The following SNTG1 variants were observed in gnomAD, a reference collection of about 807,000 sequenced individuals.
SNTG1 encodes the protein gamma-1-syntrophin.
SNTG1 carries 39 observed loss-of-function variants against 74.7 expected under a neutral mutation model. The ratio of observed to expected loss-of-function variants is 0.52; its 90% CI spans 0.40 to 0.68. The LOEUF (loss-of-function observed/expected upper bound fraction) is 0.68, where lower values mean the gene tolerates loss of function less well. SNTG1 is among the 30% of genes least tolerant of loss of function. The pLI, the probability that SNTG1 is intolerant of heterozygous loss-of-function variation, is 0.00. For synonymous variants in SNTG1, 254 were observed against 217.1 expected, an observed-to-expected ratio of 1.17 and a Z score of -1.49; for missense variants, 685 against 609.5, an observed-to-expected ratio of 1.12 and a Z score of -1.30.
chr8:50,510,822 CT>C (rs1462158027), intron 9 of SNTG1, among the ~76,000 whole-genome samples: 1 of 151,960 alleles, frequency 6.6e-6, no homozygotes, highest in African/African-American at 2.4e-5. Context: ...CTTTATTAGT[CT>C]TGCTAGCGGT....
At chr8:50,387,083 T>A (rs1488062195) in intron 2 of SNTG1, among the ~76,000 whole-genome samples, 8 of 152,160 alleles carry the variant, frequency 5.3e-5, no homozygotes, top group Non-Finnish European at 8.8e-5. Context: ...GGACACATGA[T>A]CAACTTGCCA....
chr8:50,576,466 G>C (rs747440096), intron 12 of SNTG1, among the ~76,000 whole-genome samples: 211 of 152,124 alleles, frequency 1.4e-3, no homozygotes, highest in Non-Finnish European at 1.9e-3. Flanking sequence ...GAGATTCCAC[G>C]CAAATTTTTG....
Position 50,587,067 on chromosome 8 carries a change from G to A in SNTG1, c.811-3812G>A, listed in dbSNP as rs147926263. Among the ~76,000 whole-genome samples, 28 of 151,764 alleles carry A rather than the reference G, an allele frequency of 1.8e-4. No individual in the cohort carries two copies. In the East Asian group the frequency reaches 3.1e-3, roughly 17 times the overall value. ...GCACATTAAACATAAAATCAATTTCGGTTCACGCTTACAGACATTAATCTA... is the reference window on the plus strand; with the variant it reads ...GCACATTAAACATAAAATCAATTTCAGTTCACGCTTACAGACATTAATCTA... On this transcript the variant is annotated intron_variant, in intron 12 of 18. Coordinates refer to ENST00000642720, the MANE Select transcript of SNTG1 (RefSeq NM_018967.5).
chr8:50,340,161 T>C (rs2091277468), intron 2 of SNTG1, among the ~76,000 whole-genome samples: 1 of 152,000 alleles, frequency 6.6e-6, no homozygotes, highest in Non-Finnish European at 1.5e-5. Flanking sequence ...TTATATATAG[T>C]TTCAACACAA....
intron 18 of SNTG1, among the ~76,000 whole-genome samples, chr8:50,779,967 G>T (rs1443355341): frequency 1.3e-5 from 2 of 151,892 alleles, no homozygotes; most frequent in East Asian, 3.9e-4. Flanking sequence ...TAATCATGTG[G>T]TTTTTGTCTT....
chr8:49,938,603 T>TTTTCTTTCTTTTCTTTCTTTC (rs1808366361), intron 1 of SNTG1, among the ~76,000 whole-genome samples: 3 of 74,766 alleles, frequency 4.0e-5, no homozygotes, highest in African/African-American at 9.0e-5. Context: ...TTTTCTTTTC[T>TTTTCTTTCTTTTCTTTCTTTC]TTTCTTTCTT....
chr8:50,563,207 C>A (rs1269828866), intron 12 of SNTG1, among the ~76,000 whole-genome samples: 1 of 152,126 alleles, frequency 6.6e-6, no homozygotes, highest in Admixed American at 6.6e-5. Flanking sequence ...GCAACTACTG[C>A]CTGTATCCTT....
intron 2 of SNTG1, among the ~76,000 whole-genome samples, chr8:50,240,042 T>C (rs1481157696): frequency 1.3e-5 from 2 of 152,210 alleles, no homozygotes; most frequent in South Asian, 2.1e-4. Flanking sequence ...TGTAGGTATA[T>C]TTGTAAAAAC....
intron 2 of SNTG1, among the ~76,000 whole-genome samples, chr8:50,194,360 CT>C (rs1190156838): frequency 6.6e-6 from 1 of 152,016 alleles, no homozygotes; most frequent in African/African-American, 2.4e-5. Context: ...TGATATTGTT[CT>C]GTTCAGGGTA....
chr8:50,545,136 A>T (rs1000663421), intron 11 of SNTG1, among the ~76,000 whole-genome samples: 17 of 151,938 alleles, frequency 1.1e-4, no homozygotes, highest in African/African-American at 4.1e-4. Context: ...TTTTTTCCAT[A>T]GCCCATAATT....
intron 18 of SNTG1, among the ~76,000 whole-genome samples, chr8:50,764,997 C>T (rs1285140521): frequency 6.6e-6 from 1 of 151,882 alleles, no homozygotes; most frequent in Non-Finnish European, 1.5e-5. Context: ...GGACATTATG[C>T]TAAGTAAAGT....
In SNTG1 at chr8:50,119,489, A is replaced by T. The variant is rs1244872518; in HGVS notation, c.-102-53072A>T. ...AAAGTTATGTTGCAATTCACCAAGA[A>T]ACAAAATGATGTGATGGCAAGGACA... On this transcript the variant is annotated intron_variant, in intron 1 of 18. Transcript: ENST00000642720. Among the ~76,000 whole-genome samples, 2 of 142,004 alleles carry T rather than the reference A, an allele frequency of 1.4e-5. 1 individual carries two copies. The highest frequency in any genetic ancestry group is 3.1e-5 in the Non-Finnish European group (2 of 63,830). 93.2% of individuals were successfully genotyped at this position (142,004 alleles called of 152,430 possible).
At chr8:49,922,915 T>C (rs1055917389) in intron 1 of SNTG1, among the ~76,000 whole-genome samples, 5 of 152,124 alleles carry the variant, frequency 3.3e-5, no homozygotes, top group African/African-American at 9.7e-5. Flanking sequence ...TTAACTCTTC[T>C]CCTGTTTTTC....
At chr8:50,597,644 A>G (rs935165704) in intron 13 of SNTG1, among the ~76,000 whole-genome samples, 2 of 151,816 alleles carry the variant, frequency 1.3e-5, no homozygotes, top group African/African-American at 4.8e-5. Context: ...GTTTTCCATA[A>G]TGGGTGTACC....
chr8:50,334,248 C>T (rs976998896), intron 2 of SNTG1, among the ~76,000 whole-genome samples: 1 of 152,098 alleles, frequency 6.6e-6, no homozygotes, highest in Non-Finnish European at 1.5e-5. Context: ...ACATGGCAGC[C>T]CCCTTGAATT....
chr8:50,214,202 G>A (rs889345919), intron 2 of SNTG1, among the ~76,000 whole-genome samples: 134 of 135,338 alleles, frequency 9.9e-4, no homozygotes, highest in African/African-American at 3.6e-3. Context: ...GGTGGGAATT[G>A]AACAATGAGA....
intron 2 of SNTG1, among the ~76,000 whole-genome samples, chr8:50,257,720 G>C (rs1339001976): frequency 6.6e-6 from 1 of 152,180 alleles, no homozygotes; most frequent in Non-Finnish European, 1.5e-5. Flanking sequence ...AGTGGGAAGA[G>C]AGATAACCAG....
intron 1 of SNTG1, among the ~76,000 whole-genome samples, chr8:49,993,052 A>T (rs1050105387): frequency 4.6e-5 from 7 of 152,144 alleles, no homozygotes; most frequent in Non-Finnish European, 8.8e-5. Context: ...TGGAAAAAAC[A>T]CTAGTCATTG....
intron 17 of SNTG1, among the ~76,000 whole-genome samples, chr8:50,721,714 T>C (rs2095488059): frequency 6.6e-6 from 1 of 152,202 alleles, no homozygotes; most frequent in African/African-American, 2.4e-5. Flanking sequence ...TGATTTCTAC[T>C]TCTTAGCTAT....
Sources: gnomAD v4.1 joint callset for allele counts (sites outside exome capture counted in the v4.1 genomes callset) on GRCh38, gnomAD v4.1.1 for gene constraint, MANE v1.5 for transcripts, NCBI Gene and HGNC (gene_info 2026-07-23, HGNC 2026-07-21) for gene names.